LARGE1: variants seen among roughly 807,000 people sequenced by gnomAD.
The protein encoded by LARGE1 is LARGE xylosyl- and glucuronyltransferase 1.
LARGE1 carries 43 observed loss-of-function variants against 87.6 expected under a neutral mutation model. The observed-to-expected ratio is 0.49, with a 90% confidence interval of 0.38 to 0.63. The LOEUF (loss-of-function observed/expected upper bound fraction) is 0.63. LARGE1 is among the 30% of genes least tolerant of loss of function. LARGE1 has a pLI of 0.00. For missense variants in LARGE1, 802 were observed against 1,000.2 expected (o/e 0.80, Z 2.67); for synonymous variants, 434 against 394.6 (o/e 1.10, Z -1.18).
chr22:33,073,579 C>A, the LARGE1 span, among the ~76,000 whole-genome samples: 1 of 152,140 alleles, frequency 6.6e-6, no homozygotes, highest in Non-Finnish European at 1.5e-5. Flanking sequence ...CATAAAGTCT[C>A]CTCCACTCTC....
At chr22:33,682,758 T>C (rs2081817744) in intron 2 of LARGE1, among the ~76,000 whole-genome samples, 2 of 152,202 alleles carry the variant, frequency 1.3e-5, no homozygotes, top group Admixed American at 1.3e-4. Flanking sequence ...TTTGCAAGTA[T>C]ATGACCCACT....
chr22:33,409,703 T>C (rs1405948828), intron 7 of LARGE1, among the ~76,000 whole-genome samples: 1 of 151,718 alleles, frequency 6.6e-6, no homozygotes, highest in Non-Finnish European at 1.5e-5. Flanking sequence ...CTACTAAAAA[T>C]ACAAAAAATT....
intron 12 of LARGE1, among the ~76,000 whole-genome samples, chr22:33,301,890 A>G (rs1046352764): frequency 6.6e-6 from 1 of 151,826 alleles, no homozygotes; most frequent in Non-Finnish European, 1.5e-5. Flanking sequence ...AAGACAAAGA[A>G]AAAAAAACTG....
Position 33,458,410 on chromosome 22 carries a change from G to C in LARGE1, c.788-26145C>G, listed in dbSNP as rs369934317. Among the ~76,000 whole-genome samples the C allele has an allele frequency of 1.5e-4, 21 of 142,566 alleles. No individual in the cohort carries two copies. The South Asian group carries it at 1.7e-3, about 11-fold the overall frequency. The allele number at this position is 142,566 out of a possible 152,430, so 93.5% of individuals were successfully genotyped here. ...TGAGCCACCGTGCCCGGCCAAAAAT[G>C]TCTATTTTTACTGTTATTTTTTATT... On this transcript the variant is annotated intron_variant, in intron 6 of 14. Coordinates refer to ENST00000397394, the MANE Select transcript of LARGE1 (RefSeq NM_133642.5).
chr22:33,183,618 A>G (rs1203121420), intron 11 of LARGE1, among the ~76,000 whole-genome samples: 5 of 107,614 alleles, frequency 4.6e-5, no homozygotes, highest in Admixed American at 8.9e-5. Flanking sequence ...ACACACACAC[A>G]CGCACACACA....
At chr22:33,286,995 G>A (rs769778663) in intron 12 of LARGE1, among the ~76,000 whole-genome samples, 2 of 152,178 alleles carry the variant, frequency 1.3e-5, no homozygotes, top group African/African-American at 2.4e-5. Flanking sequence ...GAGCACATCA[G>A]TTTCTTACTC....
At chr22:33,165,266 T>C (rs570088903) in exon 12 of LARGE1, 1 of 152,344 alleles carries the variant, frequency 6.6e-6, no homozygotes, top group African/African-American at 2.4e-5. Context: ...ACCTTGATGA[T>C]AGTTGAGATA....
At chr22:33,765,707 C>CACA (rs2084879689) in intron 1 of LARGE1, among the ~76,000 whole-genome samples, 1 of 69,906 alleles carries the variant, frequency 1.4e-5, no homozygotes, top group Non-Finnish European at 2.5e-5. Flanking sequence ...CTCCATCTCA[C>CACA]AAAAAAAAAA....
intron 2 of LARGE1, among the ~76,000 whole-genome samples, chr22:33,662,123 CA>C (rs2081144532): frequency 7.3e-6 from 1 of 137,716 alleles, no homozygotes; most frequent in Non-Finnish European, 1.6e-5. Flanking sequence ...ATAGTGTTTT[CA>C]AAGTGGCCAA....
At chr22:33,415,114 C>T (rs906328165) in intron 7 of LARGE1, among the ~76,000 whole-genome samples, 2 of 152,134 alleles carry the variant, frequency 1.3e-5, no homozygotes, top group African/African-American at 4.8e-5. Context: ...CAATAAAGGG[C>T]AAGTCAGGAG....
In LARGE1 at chr22:33,337,645, C is replaced by A. The variant is rs1381780038; in HGVS notation, c.1287+1G>T. 1.9e-6 allele frequency: 3 copies of A among 1,614,104 alleles called. No individual in the cohort carries two copies. Among genetic ancestry groups the A allele is most frequent in the Non-Finnish European group, 1.7e-6 (2 of 1,180,014 alleles). On this transcript the variant is annotated splice_donor_variant, in intron 10 of 14. Transcript: ENST00000397394. LOFTEE classifies it high-confidence loss of function. ...CCTGCCCAGCCTTGCGAGCCACTTACGTTTTCACTGTTGACATCAGCCTCA... is the reference window on the plus strand; with the variant it reads ...CCTGCCCAGCCTTGCGAGCCACTTAAGTTTTCACTGTTGACATCAGCCTCA...
intron 2 of LARGE1, among the ~76,000 whole-genome samples, chr22:33,668,367 A>G (rs1040270058): frequency 3.3e-5 from 5 of 152,190 alleles, no homozygotes; most frequent in African/African-American, 9.6e-5. Flanking sequence ...GAGATGAGTT[A>G]AGGATCTTCC....
chr22:33,675,494 G>A (rs78057880), intron 2 of LARGE1, among the ~76,000 whole-genome samples: 3,121 of 151,952 alleles, frequency 0.021, 72 homozygotes, highest in African/African-American at 0.059. Flanking sequence ...TATAAAAGCC[G>A]TGGGGTAGGA....
chr22:33,183,973 C>G (rs966698406), intron 11 of LARGE1, among the ~76,000 whole-genome samples: 1 of 151,600 alleles, frequency 6.6e-6, no homozygotes, highest in Non-Finnish European at 1.5e-5. Flanking sequence ...ATTGTTTACT[C>G]AAAATTTGAT....
chr22:33,159,391 C>T (rs149977175), downstream of LARGE1, among the ~76,000 whole-genome samples: 2 of 152,272 alleles, frequency 1.3e-5, no homozygotes, highest in South Asian at 2.1e-4. Context: ...TGTTGTCACT[C>T]TCTCTTCCTC....
chr22:33,842,005 A>G (rs1601749542), intron 1 of LARGE1, among the ~76,000 whole-genome samples: 1 of 152,374 alleles, frequency 6.6e-6, no homozygotes, highest in East Asian at 1.9e-4. Flanking sequence ...ATATTTAACA[A>G]ACTGCCAACA....
intron 6 of LARGE1, among the ~76,000 whole-genome samples, chr22:33,466,896 T>G (rs796734922): frequency 2.7e-4 from 41 of 152,166 alleles, no homozygotes; most frequent in African/African-American, 8.9e-4. Flanking sequence ...AAAAATTAGC[T>G]GAGCGTGGTG....
intron 2 of LARGE1, among the ~76,000 whole-genome samples, chr22:33,658,734 G>A (rs1163802195): frequency 1.3e-5 from 2 of 152,104 alleles, no homozygotes; most frequent in African/African-American, 2.4e-5. Context: ...TGGGAATAGT[G>A]CTGCAATAAA....
chr22:33,306,019 A>G (rs906097107), intron 11 of LARGE1, among the ~76,000 whole-genome samples: 3 of 151,650 alleles, frequency 2.0e-5, no homozygotes, highest in African/African-American at 7.3e-5. Context: ...TCTTCTTTGT[A>G]TTTTTTAGTA....
Sources: gnomAD v4.1 joint callset for allele counts (sites outside exome capture counted in the v4.1 genomes callset) on GRCh38, gnomAD v4.1.1 for gene constraint, MANE v1.5 for transcripts, NCBI Gene and HGNC (gene_info 2026-07-23, HGNC 2026-07-21) for gene names.